Variants in STK39 observed in about 807,000 individuals in gnomAD.
STK39 encodes the protein serine/threonine kinase 39.
STK39 carries 20 observed loss-of-function variants against 77.8 expected under a neutral mutation model. That is an observed-to-expected ratio of 0.26 (90% confidence interval 0.18 to 0.37). The LOEUF is 0.37. Ranked by LOEUF, STK39 falls within the 10% of genes least tolerant of loss-of-function variation. STK39 has a pLI of 1.00. For missense variants in STK39, 479 were observed against 656.5 expected (o/e 0.73, Z 2.95); for synonymous variants, 246 against 234.1 (o/e 1.05, Z -0.47).
At chr2:168,244,839 A>G (rs1690858607) in intron 1 of STK39, among the ~76,000 whole-genome samples, 1 of 152,228 alleles carries the variant, frequency 6.6e-6, no homozygotes, top group African/African-American at 2.4e-5. Context: ...GGGTAGAATA[A>G]GCAGGTGTTT....
At chr2:168,163,013 C>A (rs1688614146) in intron 4 of STK39, among the ~76,000 whole-genome samples, 1 of 145,320 alleles carries the variant, frequency 6.9e-6, no homozygotes, top group African/African-American at 2.6e-5. Flanking sequence ...GGCAACAGAG[C>A]AAGACTCTGT....
chr2:168,076,520 A>G (rs1686082197), intron 10 of STK39, among the ~76,000 whole-genome samples: 1 of 152,196 alleles, frequency 6.6e-6, no homozygotes, highest in Non-Finnish European at 1.5e-5. Context: ...GCGAAGTCAT[A>G]AAAAATGCAT....
intron 1 of STK39, among the ~76,000 whole-genome samples, chr2:168,227,325 C>T (rs1416422450): frequency 4.6e-5 from 7 of 152,290 alleles, no homozygotes; most frequent in Non-Finnish European, 2.9e-5. Context: ...ACTTAAAAAA[C>T]ATTTAAAATA....
At chr2:168,208,543 C>T (rs1228104546) in intron 1 of STK39, among the ~76,000 whole-genome samples, 2 of 152,220 alleles carry the variant, frequency 1.3e-5, no homozygotes, top group African/African-American at 4.8e-5. Flanking sequence ...ATCCACTCCA[C>T]CATTTTCTTT....
intron 1 of STK39, among the ~76,000 whole-genome samples, chr2:168,225,682 T>C (rs1690286152): frequency 6.6e-6 from 1 of 152,212 alleles, no homozygotes; most frequent in Non-Finnish European, 1.5e-5. Context: ...ATTGTAAGTA[T>C]ATATTTTAAC....
intron 16 of STK39, among the ~76,000 whole-genome samples, chr2:167,982,688 G>A (rs529947099): frequency 6.6e-6 from 1 of 152,254 alleles, no homozygotes; most frequent in African/African-American, 2.4e-5. Flanking sequence ...CACTGAGCTG[G>A]CATCTAATAG....
intron 1 of STK39, among the ~76,000 whole-genome samples, chr2:168,239,578 C>T (rs1056628835): frequency 5.9e-5 from 9 of 152,208 alleles, no homozygotes; most frequent in East Asian, 1.9e-4. Flanking sequence ...TCATTAACCA[C>T]GGGCAAGATC....
At chr2:168,108,648 C>A (rs991684247) in intron 10 of STK39, among the ~76,000 whole-genome samples, 2 of 152,004 alleles carry the variant, frequency 1.3e-5, no homozygotes. Context: ...AAAGGTCATT[C>A]CCCCCTTCAG....
chr2:168,016,680 C>T (rs3769421), intron 15 of STK39, among the ~76,000 whole-genome samples: 20,783 of 152,224 alleles, frequency 0.14, 3,345 homozygotes, highest in African/African-American at 0.38. Flanking sequence ...TGTTACCTTT[C>T]TGTATGATCC....
rs536106657 is a variant in STK39 at position 167,981,342 on chromosome 2, C to T, written c.1499-16616G>A. ...GGCTCAAGCCAGTGCAGGGATCACA[C>T]TGTAAGTGGCACTGCTTTAGACTTT... is the stretch of plus-strand genomic sequence containing the variant. On this transcript the variant is annotated intron_variant, in intron 16 of 17. Transcript: ENST00000355999. Among the ~76,000 whole-genome samples, 6 of 152,324 alleles carry T rather than the reference C, an allele frequency of 3.9e-5. No homozygotes were observed. The South Asian group carries it at 1.2e-3, about 32-fold the overall frequency.
At chr2:167,959,703 A>G (rs1413613732) in intron 17 of STK39, among the ~76,000 whole-genome samples, 2 of 152,194 alleles carry the variant, frequency 1.3e-5, no homozygotes, top group South Asian at 2.1e-4. Context: ...CTGAAATTCA[A>G]TAAAGTCAAT....
Position 168,101,675 on chromosome 2 carries a change from C to A in STK39, c.1090-26444G>T, listed in dbSNP as rs543977197. ...ATTGCTTGAACCTGGGAGGCAGAGG[C>A]TGCAGGGGGCCGAGATCATGCCACT... On this transcript the variant is annotated intron_variant, in intron 10 of 17. Transcript: ENST00000355999. Among the ~76,000 whole-genome samples, 6 of 152,084 alleles carry A rather than the reference C, an allele frequency of 3.9e-5. No individual in the cohort carries two copies. The South Asian group carries it at 1.2e-3, about 32-fold the overall frequency.
chr2:168,078,901 G>A (rs920684460), intron 10 of STK39, among the ~76,000 whole-genome samples: 2 of 152,130 alleles, frequency 1.3e-5, no homozygotes, highest in Admixed American at 1.3e-4. Flanking sequence ...CATATGGCAT[G>A]CTGACTACAG....
chr2:168,065,324 A>G lies in STK39; in HGVS notation c.1300T>C (p.Ser434Pro), dbSNP rs745827456. The change falls in exon 13 of 18, where the codon TCT (serine) becomes CCT (proline). Residue 434 changes from serine to proline, a missense_variant. Physicochemically the swap from Ser to Pro is moderately conservative, Grantham distance 74 (BLOSUM62 -1). Transcript: ENST00000355999. ...TGACTGGCAGAGAAACATACCTGAG[A>G]GTCGTGCACAGAGAGGGACTGTATT... Reference protein sequence around the residue: ...EQIQSLSVHDSQGPPNANEDY... With the variant: ...EQIQSLSVHDPQGPPNANEDY... The G allele has an allele frequency of 2.0e-5, 32 of 1,613,956 alleles. No homozygotes were observed. Among genetic ancestry groups the G allele is most frequent in the Non-Finnish European group, 2.7e-5 (32 of 1,179,940 alleles).
At chr2:168,211,027 A>G (rs1230871215) in intron 1 of STK39, among the ~76,000 whole-genome samples, 1 of 152,222 alleles carries the variant, frequency 6.6e-6, no homozygotes, top group African/African-American at 2.4e-5. Context: ...AAAAAGAGAA[A>G]GTATAACGTA....
At position 168,065,357 on chromosome 2, in the gene STK39, G is replaced by A; in HGVS notation, c.1267C>T (p.Pro423Ser). 6.2e-7 allele frequency: 1 copy of A among 1,614,078 alleles called. No individual in the cohort carries two copies. The change falls in exon 13 of 18, where the codon CCC (proline) becomes TCC (serine). Residue 423 changes from proline to serine, a missense_variant. Pro to Ser is a moderately conservative substitution (Grantham distance 74). Transcript: ENST00000355999. ...ACAGAGAGGGACTGTATTTGTTCGG[G>A]GATGGTGCTGGCACTCACTGCAATC... ...PEIAVSASTI[P>S]EQIQSLSVHD...
chr2:168,166,557 T>C (rs1688697856), intron 3 of STK39, among the ~76,000 whole-genome samples: 1 of 152,176 alleles, frequency 6.6e-6, no homozygotes, highest in Non-Finnish European at 1.5e-5. Context: ...CCACATTTAG[T>C]GAGCACCTAC....
At chr2:168,096,422 T>G (rs1015365423) in intron 10 of STK39, among the ~76,000 whole-genome samples, 1 of 152,200 alleles carries the variant, frequency 6.6e-6, no homozygotes, top group East Asian at 1.9e-4. Flanking sequence ...ATCAGGTTAT[T>G]ATGCAGATAA....
chr2:168,168,121 A>G (rs761233272), intron 2 of STK39, among the ~76,000 whole-genome samples: 4 of 152,232 alleles, frequency 2.6e-5, no homozygotes, highest in Non-Finnish European at 4.4e-5. Flanking sequence ...AGTTTAATCC[A>G]TATTAACAGA....
Sources: gnomAD v4.1 joint callset for allele counts (sites outside exome capture counted in the v4.1 genomes callset) on GRCh38, gnomAD v4.1.1 for gene constraint, MANE v1.5 for transcripts, NCBI Gene and HGNC (gene_info 2026-07-23, HGNC 2026-07-21) for gene names.